Variants in ARHGAP39 observed in about 807,000 individuals in gnomAD.
The protein encoded by ARHGAP39 is rho GTPase-activating protein 39.
Under a neutral mutation model 106.9 loss-of-function variants are expected in ARHGAP39, and 44 were observed. That is an observed-to-expected ratio of 0.41 (90% CI 0.32 to 0.53). The LOEUF (loss-of-function observed/expected upper bound fraction) is 0.53. Among genes scored for constraint, ARHGAP39 ranks in the 20% least tolerant of loss-of-function variants. The probability of loss-of-function intolerance (pLI) is 0.21; values close to 1 mark genes in which losing one functional copy is unlikely to be tolerated. For missense variants in ARHGAP39, 1,496 were observed against 1,577.3 expected, an observed-to-expected ratio of 0.95 and a Z score of 0.87; for synonymous variants, 768 against 693.2, an observed-to-expected ratio of 1.11 and a Z score of -1.69.
rs560308337 is a variant in ARHGAP39, at chr8:144,583,508, G to A, written c.81-2231C>T. ...GTTCCCCACCGTAGCATCCTGTGCC[G>A]TCTCCCCAGCTACGAGGATCTCGTG... On this transcript the variant is annotated intron_variant, in intron 2 of 11. Coordinates refer to ENST00000377307, the MANE Select transcript of ARHGAP39 (RefSeq NM_025251.3). 1.3e-4 allele frequency among the ~76,000 whole-genome samples: 20 copies of A among 152,262 alleles called. No homozygotes were observed. In the South Asian group the frequency reaches 3.3e-3, roughly 25 times the overall value.
rs773630427 is a variant in ARHGAP39, at chr8:144,548,498, G to T, written c.597-9C>A. Reference sequence around the variant, plus strand: ...ACCGCAGCGAGGAGGTCCTGCGTGGGGGGTGGACGGGCACAGGTGACTGCC... The same window carrying T: ...ACCGCAGCGAGGAGGTCCTGCGTGGTGGGTGGACGGGCACAGGTGACTGCC... On this transcript the variant is annotated splice_polypyrimidine_tract_variant and intron_variant, in intron 4 of 11. Coordinates refer to ENST00000377307, the MANE Select transcript of ARHGAP39 (RefSeq NM_025251.3). The surrounding 1 kb of genome is among the most constrained non-coding windows in gnomAD (Gnocchi z 7.4). 9.3e-6 allele frequency: 15 copies of T among 1,604,546 alleles called. No individual in the cohort carries two copies. The highest frequency in any genetic ancestry group is 1.3e-5 in the Non-Finnish European group (15 of 1,177,526).
At chr8:144,542,928 C>A (rs1308797347) in intron 6 of ARHGAP39, among the ~76,000 whole-genome samples, 1 of 150,762 alleles carries the variant, frequency 6.6e-6, no homozygotes, top group Non-Finnish European at 1.5e-5. Context: ...GCCTGGGCAA[C>A]AGAGCGAGAC....
chr8:144,541,113 A>C (rs1009307787), intron 6 of ARHGAP39, among the ~76,000 whole-genome samples: 1 of 152,188 alleles, frequency 6.6e-6, no homozygotes, highest in African/African-American at 2.4e-5. Flanking sequence ...CGCCTCCCAA[A>C]GTGCTGGGAT....
intron 8 of ARHGAP39, among the ~76,000 whole-genome samples, chr8:144,533,796 G>C (rs189626798): frequency 2.0e-5 from 3 of 152,214 alleles, no homozygotes; most frequent in Non-Finnish European, 4.4e-5. Context: ...TGGGAGCAGC[G>C]CATCAGAGAG....
At position 144,548,147 on chromosome 8, in the gene ARHGAP39, G is replaced by A. The variant is rs567908108; in HGVS notation, c.939C>T (p.Tyr313=). 8 of 1,571,716 alleles carry A rather than the reference G, an allele frequency of 5.1e-6. No homozygotes were observed. The Admixed American group carries it at 9.0e-5, about 18-fold the overall frequency. The change falls in exon 5 of 12, where the codon TAC becomes TAT. Residue 313 remains tyrosine, a synonymous_variant. Coordinates refer to ENST00000377307, the MANE Select transcript of ARHGAP39 (RefSeq NM_025251.3). The surrounding 1 kb of genome is among the most constrained non-coding windows in gnomAD (Gnocchi z 7.4). Reference sequence around the variant, plus strand: ...CCTGGTACTCCACTGGGGGCTCCTCGTAGAGCGGGGGTTCATAGCCATAGC... The same window carrying A: ...CCTGGTACTCCACTGGGGGCTCCTCATAGAGCGGGGGTTCATAGCCATAGC... ...SPRYGYEPPL[Y]EEPPVEYQAP...
intron 6 of ARHGAP39, among the ~76,000 whole-genome samples, chr8:144,541,066 G>A (rs928051136): frequency 1.3e-5 from 2 of 152,180 alleles, no homozygotes; most frequent in Admixed American, 6.5e-5. Context: ...TGGCCAGGCT[G>A]GTCTCGAACT....
chr8:144,693,680 C>T, the ARHGAP39 span, among the ~76,000 whole-genome samples: 3 of 152,104 alleles, frequency 2.0e-5, no homozygotes, highest in Admixed American at 6.5e-5. Flanking sequence ...GCCGCCTGGC[C>T]GTAAAATTCT....
chr8:144,695,818 T>C, the ARHGAP39 span, among the ~76,000 whole-genome samples: 3 of 152,200 alleles, frequency 2.0e-5, no homozygotes, highest in Non-Finnish European at 4.4e-5. Flanking sequence ...GCGTTATCAA[T>C]GGGACAAATT....
At chr8:144,602,536 C>CTGTG (rs749497168) in intron 2 of ARHGAP39, among the ~76,000 whole-genome samples, 1 of 100,850 alleles carries the variant, frequency 9.9e-6, no homozygotes, top group Non-Finnish European at 2.0e-5. Flanking sequence ...GCTCGTGTAC[C>CTGTG]TGTGTGTGCA....
rs1227050224 is a variant in ARHGAP39 at position 144,671,360 on chromosome 8, A to G, written c.-82+14326T>C. 6.6e-6 allele frequency among the ~76,000 whole-genome samples: 1 copy of G among 152,264 alleles called. No homozygotes were observed. Among genetic ancestry groups the G allele is most frequent in the Non-Finnish European group, 1.5e-5 (1 of 68,042 alleles). ...TTCCGCAAAAGAAATGAACGAATAAAGCTGGAGTTAGAAAGAAGCTATTGC... is the reference window on the plus strand; with the variant it reads ...TTCCGCAAAAGAAATGAACGAATAAGGCTGGAGTTAGAAAGAAGCTATTGC... On this transcript the variant is annotated intron_variant, in intron 1 of 11. Coordinates refer to ENST00000377307, the MANE Select transcript of ARHGAP39 (RefSeq NM_025251.3). The surrounding 1 kb of genome is among the most constrained non-coding windows in gnomAD (Gnocchi z 4.5).
intron 7 of ARHGAP39, 113 bp downstream of exon 7, chr8:144,537,608 T>C (rs1817010955): frequency 4.3e-6 from 4 of 923,108 alleles, no homozygotes; most frequent in Non-Finnish European, 6.6e-6. Context: ...CTGAGGTTAG[T>C]GGCCCCATCC....
At chr8:144,553,298 C>T (rs1817788907) in intron 4 of ARHGAP39, among the ~76,000 whole-genome samples, 1 of 152,210 alleles carries the variant, frequency 6.6e-6, no homozygotes, top group Admixed American at 6.5e-5. Context: ...TCCCGCTTTC[C>T]AGAAGCCCTA....
chr8:144,603,908 G>A (rs1025145817), intron 2 of ARHGAP39, among the ~76,000 whole-genome samples: 3 of 152,024 alleles, frequency 2.0e-5, no homozygotes, highest in Admixed American at 6.6e-5. Context: ...AGGATCCAGC[G>A]AGACGCTTAG....
At chr8:144,537,583 C>T (rs1479250266) in intron 7 of ARHGAP39, 138 bp downstream of exon 7, 1 of 760,266 alleles carries the variant, frequency 1.3e-6, no homozygotes, top group East Asian at 2.6e-5. Context: ...CCAGCTCGCT[C>T]AGGAGGCCAC....
chr8:144,580,900 G>A lies in ARHGAP39; in HGVS notation c.458C>T (p.Pro153Leu), dbSNP rs200627287. 2.5e-5 allele frequency: 40 copies of A among 1,598,834 alleles called. No individual in the cohort carries two copies. In the African/African-American group the frequency reaches 5.1e-4, roughly 20 times the overall value. ...EPDTEKAQELPARAGRPAAFG... is the reference protein window; with the variant it reads ...EPDTEKAQELLARAGRPAAFG... ...CGCCGCGGGCCGCCCGGCCCTCGCT[G>A]GCAACTCCTGCGCTTTCTCAGTGTC... The change falls in exon 3 of 12, where the codon CCA becomes CTA. Residue 153 changes from proline to leucine, a missense_variant. Coordinates refer to ENST00000377307, the MANE Select transcript of ARHGAP39 (RefSeq NM_025251.3).
In ARHGAP39 at chr8:144,530,509, G is replaced by A; in HGVS notation, c.3258C>T (p.Val1086=). The A allele has an allele frequency of 3.7e-6, 6 of 1,612,126 alleles. No homozygotes were observed. Among genetic ancestry groups the A allele is most frequent in the Non-Finnish European group, 5.1e-6 (6 of 1,179,698 alleles). Residue 1086 remains valine (V), a synonymous_variant, in exon 12 of 12, where the codon GTC becomes GTT. Transcript: ENST00000377307. ...TCTCCTTGCGGGTGTTCTCGAAGAT[G>A]ACGCGCGGGTCGTCGGACTGGCAGC... ...CLRCQSDDPR[V]IFENTRKEMS...
intron 1 of ARHGAP39, among the ~76,000 whole-genome samples, chr8:144,628,372 G>A (rs1488138565): frequency 6.6e-6 from 1 of 152,094 alleles, no homozygotes; most frequent in Non-Finnish European, 1.5e-5. Flanking sequence ...ATAGCCAGGA[G>A]AACACACACA....
chr8:144,542,835 A>G (rs1817253917), intron 6 of ARHGAP39, among the ~76,000 whole-genome samples: 1 of 151,966 alleles, frequency 6.6e-6, no homozygotes, highest in African/African-American at 2.4e-5. Context: ...GCTACACGGG[A>G]GGCTGAGGCA....
the ARHGAP39 span, among the ~76,000 whole-genome samples, chr8:144,695,050 CT>C: frequency 6.7e-6 from 1 of 150,026 alleles, no homozygotes; most frequent in African/African-American, 2.5e-5. Context: ...ATTGTACCAT[CT>C]ATCAATCTAT....
Sources: allele counts gnomAD v4.1 joint callset (sites outside exome capture counted in the v4.1 genomes callset), GRCh38; gene constraint gnomAD v4.1.1; non-coding constraint Gnocchi (gnomAD v3.1); transcripts MANE v1.5; gene names NCBI Gene and HGNC (gene_info 2026-07-23, HGNC 2026-07-21).